DYSF: variants seen among roughly 807,000 people sequenced by gnomAD.
DYSF encodes the protein dystrophy-associated fer-1-like 1.
In DYSF, 212 loss-of-function variants were observed where a neutral mutation model predicts 274.9. The ratio of observed to expected loss-of-function variants is 0.77; its 90% CI spans 0.69 to 0.86. The LOEUF (loss-of-function observed/expected upper bound fraction) is 0.86, where lower values mean the gene tolerates loss of function less well. Among genes scored for constraint, DYSF ranks in the 40% least tolerant of loss-of-function variants. DYSF has a pLI of 0.00. For synonymous variants in DYSF, 1,091 were observed against 1,078.7 expected, an observed-to-expected ratio of 1.01 and a Z score of -0.22; for missense variants, 2,666 against 2,783.2, an observed-to-expected ratio of 0.96 and a Z score of 0.95.
chr2:71,594,195 G>A (rs1406036236), intron 32 of DYSF, among the ~76,000 whole-genome samples: 3 of 152,126 alleles, frequency 2.0e-5, no homozygotes, highest in African/African-American at 7.2e-5. Flanking sequence ...GTGGTGCTGG[G>A]GATTTCTTGC....
At chr2:71,593,122 CTTCTTTT>C (rs1462502419) in intron 32 of DYSF, among the ~76,000 whole-genome samples, 15 of 121,060 alleles carry the variant, frequency 1.2e-4, no homozygotes, top group Non-Finnish European at 1.9e-4. Context: ...AATTCAGTGA[CTTCTTTT>C]TTTTTTTTTT....
At chr2:71,547,203 C>T (rs975198715) in intron 17 of DYSF, among the ~76,000 whole-genome samples, 2 of 152,208 alleles carry the variant, frequency 1.3e-5, no homozygotes, top group Non-Finnish European at 2.9e-5. Flanking sequence ...GGCGAGAGCC[C>T]GGGATGGACC....
chr2:71,585,125 G>A (rs558799027), intron 30 of DYSF, among the ~76,000 whole-genome samples: 1 of 152,356 alleles, frequency 6.6e-6, no homozygotes, highest in East Asian at 1.9e-4. Context: ...TCTAGTGATC[G>A]TAACTCAGTG....
chr2:71,553,757 A>T (rs753008206), intron 20 of DYSF, 50 bp from the exon 21 acceptor site: 1 of 461,864 alleles, frequency 2.2e-6, no homozygotes, highest in Non-Finnish European at 3.4e-6. Flanking sequence ...ACCCCATCCC[A>T]CCCGCCCTCC....
At chr2:71,542,115 T>C (rs899943441) in intron 17 of DYSF, among the ~76,000 whole-genome samples, 1 of 152,182 alleles carries the variant, frequency 6.6e-6, no homozygotes, top group Non-Finnish European at 1.5e-5. Context: ...TGTAACTGAG[T>C]GAGTTGCTCC....
At chr2:71,609,823 G>A (rs1040719011) in intron 36 of DYSF, among the ~76,000 whole-genome samples, 8 of 152,196 alleles carry the variant, frequency 5.3e-5, no homozygotes, top group African/African-American at 1.9e-4. Context: ...ATCTTTCTCT[G>A]CTTTGACTGC....
At chr2:71,512,337 G>A (rs946601618) in intron 5 of DYSF, among the ~76,000 whole-genome samples, 2 of 152,216 alleles carry the variant, frequency 1.3e-5, no homozygotes, top group Admixed American at 6.5e-5. Context: ...CAGGCCTTTG[G>A]TGATGGTGTG....
At position 71,480,114 on chromosome 2, in the gene DYSF, A is replaced by G. The variant is rs146652486; in HGVS notation, c.92-769A>G. ...CTTCTCTTAGCCCCTGGAAACAACT[A>G]ATCTGCTTTCTGTCTCTACAGATTT... On this transcript the variant is annotated intron_variant, in intron 1 of 55. Coordinates refer to ENST00000410020, the MANE Select transcript of DYSF (RefSeq NM_001130987.2). Among the ~76,000 whole-genome samples the G allele has an allele frequency of 5.4e-3, 829 of 152,230 alleles. 9 individuals carry two copies. Among genetic ancestry groups the G allele is most frequent in the African/African-American group, 0.018 (768 of 41,522 alleles).
exon 1 of DYSF, chr2:71,453,959 C>G: frequency 6.2e-7 from 1 of 1,610,052 alleles, no homozygotes; most frequent in East Asian, 2.2e-5. Flanking sequence ...TCCGAGCCCT[C>G]TTTGCGCCCT....
intron 46 of DYSF, 115 bp from the exon 47 acceptor site, chr2:71,665,047 G>A: frequency 1.3e-6 from 2 of 1,549,594 alleles, no homozygotes; most frequent in Non-Finnish European, 1.8e-6. Context: ...GACACCCACT[G>A]TAAAAGCAAG....
intron 45 of DYSF, among the ~76,000 whole-genome samples, chr2:71,662,475 C>T (rs116097224): frequency 2.8e-3 from 416 of 148,348 alleles, no homozygotes; most frequent in African/African-American, 9.7e-3. Flanking sequence ...TATGTGCGTG[C>T]GTGTGTATGT....
At position 71,481,962 on chromosome 2, in the gene DYSF, G is replaced by A. The variant is rs1553508988; in HGVS notation, c.231G>A (p.Gly77=). The part of the protein sequence containing the change: ...HVVVKDHETM[G]RNRFLGEAKV... The stretch of plus-strand genomic sequence containing the variant: ...TGGTCAAAGACCATGAGACGATGGG[G>A]AGGAACAGGTAAGGTGGCCAGAGGG... The change falls in exon 3 of 56, where the codon GGG becomes GGA. Residue 77 remains glycine, a synonymous_variant. Coordinates refer to ENST00000410020, the MANE Select transcript of DYSF (RefSeq NM_001130987.2). The A allele has an allele frequency of 6.2e-7, 1 of 1,614,100 alleles. No homozygotes were observed. Among genetic ancestry groups the A allele is most frequent in the East Asian group, 2.2e-5 (1 of 44,874 alleles).
intron 39 of DYSF, 121 bp from the exon 40 acceptor site, chr2:71,613,213 C>A (rs778599766): frequency 1.2e-6 from 1 of 847,406 alleles, no homozygotes; most frequent in Non-Finnish European, 2.0e-6. Context: ...GAGATACCGA[C>A]TGAGAAATGT....
rs147850103 is a variant in DYSF, at chr2:71,585,257, A to G, written c.3403-4336A>G. Among the ~76,000 whole-genome samples, 12 of 152,306 alleles carry G rather than the reference A, an allele frequency of 7.9e-5. No homozygotes were observed. In the East Asian group the frequency reaches 1.5e-3, roughly 20 times the overall value. ...AATTGCCAAGGTTGAAGAGCCGTGCATTTTCCACAGTAGCCCTGTGTGGGT... is the reference window on the plus strand; with the variant it reads ...AATTGCCAAGGTTGAAGAGCCGTGCGTTTTCCACAGTAGCCCTGTGTGGGT... On this transcript the variant is annotated intron_variant, in intron 30 of 55. Coordinates refer to ENST00000410020, the MANE Select transcript of DYSF (RefSeq NM_001130987.2).
intron 33 of DYSF, among the ~76,000 whole-genome samples, chr2:71,600,178 T>C (rs898915091): frequency 6.6e-6 from 1 of 152,024 alleles, no homozygotes; most frequent in African/African-American, 2.4e-5. Flanking sequence ...CGGCAGGGAG[T>C]TAAGGAAAGT....
rs577839464 is a variant in DYSF at position 71,572,126 on chromosome 2, C to T, written c.3228+1385C>T. Among the ~76,000 whole-genome samples, 4 of 147,622 alleles carry T rather than the reference C, an allele frequency of 2.7e-5. No individual in the cohort carries two copies. In the East Asian group the frequency reaches 8.3e-4, roughly 30 times the overall value. On this transcript the variant is annotated intron_variant, in intron 29 of 55. Coordinates refer to ENST00000410020, the MANE Select transcript of DYSF (RefSeq NM_001130987.2). ...GCACACCCACAGATCATACCCAGCA[C>T]AGATCACACCCAGCACACCCACAGA...
intron 13 of DYSF, 68 bp from the exon 14 acceptor site, chr2:71,528,230 T>C (rs2088196222): frequency 1.4e-6 from 2 of 1,403,402 alleles, no homozygotes. Flanking sequence ...TGGAGACAGA[T>C]GGGGGACAGT....
chr2:71,472,557 C>T (rs1327931186), intron 1 of DYSF, among the ~76,000 whole-genome samples: 2 of 152,220 alleles, frequency 1.3e-5, no homozygotes, highest in Admixed American at 6.5e-5. Flanking sequence ...CAGGCGTCCA[C>T]CACCACGCCA....
At chr2:71,522,024 C>A (rs1162393383) in intron 12 of DYSF, among the ~76,000 whole-genome samples, 2 of 151,856 alleles carry the variant, frequency 1.3e-5, no homozygotes, top group Non-Finnish European at 2.9e-5. Context: ...CCTCCCGCTG[C>A]ATTATCCCAC....
Sources: allele counts gnomAD v4.1 joint callset (sites outside exome capture counted in the v4.1 genomes callset), GRCh38; gene constraint gnomAD v4.1.1; transcripts MANE v1.5; gene names NCBI Gene and HGNC (gene_info 2026-07-23, HGNC 2026-07-21).